Variants in SNURF observed in about 807,000 individuals in gnomAD.
SNURF encodes the protein SNRPN upstream open reading frame.
SNURF carries 6 observed loss-of-function variants against 11.6 expected under a neutral mutation model. The observed-to-expected ratio is 0.52, with a 90% CI of 0.28 to 1.02. SNURF has a LOEUF of 1.02. Among genes scored for constraint, SNURF ranks in the 50% least tolerant of loss-of-function variants. The pLI is 0.09. For missense variants in SNURF, 84 were observed against 88.4 expected (o/e 0.95, Z 0.20); for synonymous variants, 29 against 31.6 (o/e 0.92, Z 0.27).
chr15:24,978,464 A>T (rs747036997), downstream of SNURF: 33 of 1,610,678 alleles, frequency 2.0e-5, no homozygotes, highest in Non-Finnish European at 2.5e-5. Flanking sequence ...GATCCATCTC[A>T]GTCACTTTTT....
chr15:24,962,336 T>C lies in SNURF; in HGVS notation c.110+127T>C, dbSNP rs1318643180. The C allele has an allele frequency of 2.5e-5, 19 of 759,404 alleles. 1 individual carries two copies. The highest frequency in any genetic ancestry group is 9.1e-5 in the South Asian group (6 of 65,710). The allele number at this position is 759,404 out of a possible 1,614,324, so 47.0% of individuals were successfully genotyped here. A position where few individuals can be genotyped will look rare whatever the true frequency, so the allele number is the denominator to read the frequency against. On this transcript the variant is annotated intron_variant, in intron 2 of 2. Coordinates refer to ENST00000577949, the Ensembl canonical transcript of SNURF. ...AAGCAGACACATCTAATACAGAAGA[T>C]GTAGTAAAAAAGCAATGAAATTCTT...
intron 1 of SNURF, among the ~76,000 whole-genome samples, chr15:24,957,406 TTTAAA>T (rs2063110542): frequency 6.6e-6 from 1 of 152,218 alleles, no homozygotes; most frequent in Non-Finnish European, 1.5e-5. Context: ...TTTTTGGATT[TTTAAA>T]TTAATGATCA....
rs952088734 is a variant in SNURF, at chr15:24,976,737, G to A, written c.*310-140G>A. The A allele has an allele frequency of 5.3e-6, 4 of 751,446 alleles. No individual in the cohort carries two copies. The African/African-American group carries it at 7.1e-5, about 13-fold the overall frequency. The allele number at this position is 751,446 out of a possible 1,614,324, so 46.5% of individuals were successfully genotyped here. On this transcript the variant is annotated intron_variant and NMD_transcript_variant, in intron 5 of 6. Coordinates refer to the SNURF transcript ENST00000580062. ...CACAAGATACCTCCATGGTATACTT[G>A]CTTGTTTGTTCATTTGGACACAGAA...
At chr15:24,976,210 C>T (rs1184280795) in intron 4 of SNURF, 5 of 918,306 alleles carry the variant, frequency 5.4e-6, no homozygotes, top group Non-Finnish European at 8.8e-6. Flanking sequence ...TGTTTAGCAT[C>T]AGTTGTCTTA....
downstream of SNURF, among the ~76,000 whole-genome samples, chr15:24,973,149 A>G (rs1193949136): frequency 6.6e-6 from 1 of 151,680 alleles, no homozygotes; most frequent in Non-Finnish European, 1.5e-5. Flanking sequence ...TCGGTTTCCC[A>G]AAGTGTTGGG....
exon 3 of SNURF, chr15:24,968,113 A>G: frequency 7.8e-7 from 1 of 1,284,354 alleles, no homozygotes; most frequent in Non-Finnish European, 1.1e-6. Context: ...GATCAAGAAT[A>G]AAGAATCATT....
downstream of SNURF, among the ~76,000 whole-genome samples, chr15:24,973,639 A>G (rs2076723510): frequency 6.6e-6 from 1 of 152,144 alleles, no homozygotes; most frequent in African/African-American, 2.4e-5. Context: ...ACCTCAGGTG[A>G]TCCACCTGCC....
intron 5 of SNURF, among the ~76,000 whole-genome samples, chr15:24,976,632 A>G (rs912859578): frequency 1.3e-5 from 2 of 152,228 alleles, no homozygotes; most frequent in African/African-American, 2.4e-5. Flanking sequence ...AGGTAAGGGT[A>G]GGAGTTGGTG....
intron 1 of SNURF, among the ~76,000 whole-genome samples, chr15:24,959,346 G>T (rs1247162892): frequency 6.6e-6 from 1 of 152,132 alleles, no homozygotes; most frequent in South Asian, 2.1e-4. Context: ...GTAGATTTAA[G>T]CCAGGTGCGG....
downstream of SNURF, among the ~76,000 whole-genome samples, chr15:24,971,829 G>T (rs921096199): frequency 2.6e-5 from 4 of 152,180 alleles, no homozygotes; most frequent in Non-Finnish European, 5.9e-5. Flanking sequence ...TTACAGAACT[G>T]TGCAATCATT....
rs371808119 is a variant in SNURF at position 24,962,217 on chromosome 15, C to G, written c.110+8C>G. 3.2e-5 allele frequency: 51 copies of G among 1,610,046 alleles called. No homozygotes were observed. The African/African-American group carries it at 5.4e-4, about 17-fold the overall frequency. ...CTCACTGAGCAACCAAGAGTGAGTA[C>G]AGACTGTGTTGGGAACAAATGCAAG... On this transcript the variant is annotated splice_region_variant and intron_variant, in intron 2 of 2. Coordinates refer to ENST00000577949, the Ensembl canonical transcript of SNURF.
Position 24,975,973 on chromosome 15 carries a change from G to A in SNURF, c.*198-332G>A, listed in dbSNP as rs557612013. On this transcript the variant is annotated intron_variant and NMD_transcript_variant, in intron 4 of 6. Transcript: ENST00000580062. ...CTGTCATTATGATTTAATTATTTAA[G>A]TAATTTTTTAAAGAAATTTCCATTT... is the stretch of plus-strand genomic sequence containing the variant. Among the ~76,000 whole-genome samples the A allele has an allele frequency of 1.3e-5, 2 of 152,210 alleles. 1 individual carries two copies. The highest frequency in any genetic ancestry group is 4.1e-4 in the South Asian group (2 of 4,828).
intron 2 of SNURF, among the ~76,000 whole-genome samples, chr15:24,965,025 G>A (rs527693378): frequency 2.0e-5 from 3 of 152,244 alleles, no homozygotes; most frequent in Non-Finnish European, 2.9e-5. Flanking sequence ...CCCCTTGTGC[G>A]TTTTCATTTT....
downstream of SNURF, among the ~76,000 whole-genome samples, chr15:24,969,215 G>A (rs1370825476): frequency 6.6e-6 from 1 of 152,092 alleles, no homozygotes; most frequent in East Asian, 1.9e-4. Flanking sequence ...TGCAACCTCT[G>A]CCTCCCAGGT....
intron 2 of SNURF, among the ~76,000 whole-genome samples, chr15:24,964,046 A>G (rs1374070762): frequency 1.3e-5 from 2 of 152,148 alleles, no homozygotes; most frequent in Admixed American, 6.5e-5. Context: ...AGAAAAAAAA[A>G]GTTGTAAAAC....
chr15:24,977,714 T>C lies in SNURF; in HGVS notation c.*463-64T>C. On this transcript the variant is annotated intron_variant and NMD_transcript_variant, in intron 6 of 6. Coordinates refer to the SNURF transcript ENST00000580062. Reference sequence around the variant, plus strand: ...CTAATTGGTCATTTTTCTCATTTATTTTCTGTGTTTGAATAATGTGAAGGT... The same window carrying C: ...CTAATTGGTCATTTTTCTCATTTATCTTCTGTGTTTGAATAATGTGAAGGT... 3 of 1,447,358 alleles carry C rather than the reference T, an allele frequency of 2.1e-6. No homozygotes were observed. In the Admixed American group the frequency reaches 6.9e-5, roughly 33 times the overall value. 89.7% of individuals were successfully genotyped at this position (1,447,358 alleles called of 1,614,324 possible). A position where few individuals can be genotyped will look rare whatever the true frequency, so the allele number is the denominator to read the frequency against.
chr15:24,958,437 T>G (rs1253788497), intron 1 of SNURF, among the ~76,000 whole-genome samples: 2 of 149,548 alleles, frequency 1.3e-5, no homozygotes. Flanking sequence ...TGAGAATTGT[T>G]ACTACTTAAG....
chr15:24,968,752 ACTTTT>A (rs1212345095), downstream of SNURF: 1 of 152,048 alleles, frequency 6.6e-6, no homozygotes, highest in Non-Finnish European at 1.5e-5. Flanking sequence ...TCTTTTTCTC[ACTTTT>A]CTGTTTTAAC....
At chr15:24,969,356 T>C (rs930304712), downstream of SNURF, among the ~76,000 whole-genome samples, 1 of 150,598 alleles carries the variant, frequency 6.6e-6, no homozygotes, top group Non-Finnish European at 1.5e-5. Flanking sequence ...CTCAAACTCC[T>C]GAACTCAGGT....
Sources: allele counts gnomAD v4.1 joint callset (sites outside exome capture counted in the v4.1 genomes callset), GRCh38; gene constraint gnomAD v4.1.1; transcripts MANE v1.5; gene names NCBI Gene and HGNC (gene_info 2026-07-23, HGNC 2026-07-21).